Variants in MAGI2 observed in about 807,000 individuals in gnomAD.
The protein encoded by MAGI2 is membrane associated guanylate kinase, WW and PDZ domain containing 2.
A neutral mutation model predicts 133.3 loss-of-function variants in MAGI2; 35 were observed. The ratio of observed to expected loss-of-function variants is 0.26; its 90% CI spans 0.20 to 0.35. The LOEUF is 0.35. Among genes scored for constraint, MAGI2 ranks in the 10% least tolerant of loss-of-function variants. The pLI is 1.00. For missense variants in MAGI2, 1,636 were observed against 1,863.4 expected (o/e 0.88, Z 2.25); for synonymous variants, 729 against 710.6 (o/e 1.03, Z -0.41).
intron 1 of MAGI2, among the ~76,000 whole-genome samples, chr7:79,310,577 A>G (rs2129560603): frequency 6.6e-6 from 1 of 152,280 alleles, no homozygotes. Flanking sequence ...GGTAAGTATT[A>G]AAGAGGGAGT....
In MAGI2 at chr7:79,407,808, A is replaced by G. The variant is rs73145481; in HGVS notation, c.301+45212T>C. ...TATATTCTGAGTTAGTTTTGAAAAAAAAAACATTTGACACAATACCTACAA... is the reference window on the plus strand; with the variant it reads ...TATATTCTGAGTTAGTTTTGAAAAAGAAAACATTTGACACAATACCTACAA... On this transcript the variant is annotated intron_variant, in intron 1 of 21. Coordinates refer to ENST00000354212, the MANE Select transcript of MAGI2 (RefSeq NM_012301.4). 4.4e-3 allele frequency among the ~76,000 whole-genome samples: 668 copies of G among 152,248 alleles called. 3 individuals carry two copies. The highest frequency in any genetic ancestry group is 8.2e-3 in the Non-Finnish European group (555 of 68,002).
At chr7:78,282,931 A>G (rs993156745) in intron 9 of MAGI2, among the ~76,000 whole-genome samples, 2 of 152,152 alleles carry the variant, frequency 1.3e-5, no homozygotes, top group African/African-American at 4.8e-5. Flanking sequence ...AGATTCCATT[A>G]TCCAACAAAG....
intron 2 of MAGI2, among the ~76,000 whole-genome samples, chr7:78,968,585 T>C (rs1803522756): frequency 6.6e-6 from 1 of 152,094 alleles, no homozygotes; most frequent in Non-Finnish European, 1.5e-5. Flanking sequence ...TTCACATTTG[T>C]TTGATCTTCA....
intron 2 of MAGI2, among the ~76,000 whole-genome samples, chr7:78,710,753 C>T (rs1195207139): frequency 6.6e-6 from 1 of 152,124 alleles, no homozygotes; most frequent in Admixed American, 6.6e-5. Flanking sequence ...GATACAAAAA[C>T]TCTAGAGTCA....
At chr7:78,712,132 T>C (rs1280105150) in intron 2 of MAGI2, among the ~76,000 whole-genome samples, 1 of 152,206 alleles carries the variant, frequency 6.6e-6, no homozygotes, top group East Asian at 1.9e-4. Context: ...AAAATGTATC[T>C]TAGATGATGT....
At chr7:78,268,690 C>T (rs908789429) in intron 9 of MAGI2, among the ~76,000 whole-genome samples, 3 of 152,118 alleles carry the variant, frequency 2.0e-5, no homozygotes, top group Non-Finnish European at 2.9e-5. Flanking sequence ...ATTTATTTGG[C>T]ATTTCTTAAG....
chr7:78,493,110 G>T (rs1026454025), intron 5 of MAGI2, among the ~76,000 whole-genome samples: 19 of 152,242 alleles, frequency 1.2e-4, no homozygotes, highest in African/African-American at 4.3e-4. Context: ...TAAACACTGG[G>T]TCTGTCTAGA....
chr7:78,501,865 G>T, intron 4 of MAGI2, 78 bp from the exon 5 acceptor site: 1 of 1,008,490 alleles, frequency 9.9e-7, no homozygotes, highest in Non-Finnish European at 1.5e-6. Flanking sequence ...TGCTGTACCA[G>T]GGAATAAACG....
intron 21 of MAGI2, among the ~76,000 whole-genome samples, chr7:78,074,180 T>C (rs1282481528): frequency 1.3e-5 from 2 of 152,182 alleles, no homozygotes; most frequent in Non-Finnish European, 2.9e-5. Flanking sequence ...TGACGTTTAG[T>C]CTTTGGGTAA....
At chr7:79,009,999 A>C (rs1410630356) in intron 1 of MAGI2, among the ~76,000 whole-genome samples, 1 of 152,156 alleles carries the variant, frequency 6.6e-6, no homozygotes, top group Non-Finnish European at 1.5e-5. Flanking sequence ...TTTAAAACTA[A>C]TATAGTTGAA....
intron 3 of MAGI2, among the ~76,000 whole-genome samples, chr7:78,546,821 A>G (rs1798887362): frequency 6.6e-6 from 1 of 152,208 alleles, no homozygotes; most frequent in African/African-American, 2.4e-5. Flanking sequence ...CGTCTATAAA[A>G]CAGGGATAAT....
chr7:78,831,887 T>G (rs1287139790), intron 2 of MAGI2, among the ~76,000 whole-genome samples: 1 of 152,198 alleles, frequency 6.6e-6, no homozygotes, highest in Non-Finnish European at 1.5e-5. Context: ...ATAATTTTCA[T>G]GTGAAATTTA....
intron 1 of MAGI2, among the ~76,000 whole-genome samples, chr7:79,359,842 T>TA (rs1842271631): frequency 6.6e-6 from 1 of 152,116 alleles, no homozygotes; most frequent in Admixed American, 6.6e-5. Context: ...GACCAACCCT[T>TA]AACCCTTTTC....
At chr7:78,952,301 T>G (rs1448473944) in intron 2 of MAGI2, among the ~76,000 whole-genome samples, 1 of 152,158 alleles carries the variant, frequency 6.6e-6, no homozygotes, top group Non-Finnish European at 1.5e-5. Context: ...TGGGTGGTCA[T>G]CATATTACAC....
At chr7:78,080,575 T>C (rs1815845693) in intron 20 of MAGI2, among the ~76,000 whole-genome samples, 2 of 152,138 alleles carry the variant, frequency 1.3e-5, no homozygotes, top group African/African-American at 4.8e-5. Context: ...AGAATTAAAC[T>C]GAAAAAGTAA....
intron 16 of MAGI2, among the ~76,000 whole-genome samples, chr7:78,135,538 C>T (rs1440859672): frequency 3.3e-5 from 5 of 152,140 alleles, no homozygotes; most frequent in South Asian, 2.1e-4. Flanking sequence ...AGGCAGGAGG[C>T]GAGGACCATG....
chr7:79,228,924 ACCCAAC>A (rs2129554048), intron 1 of MAGI2, among the ~76,000 whole-genome samples: 1 of 152,206 alleles, frequency 6.6e-6, no homozygotes, highest in South Asian at 2.1e-4. Flanking sequence ...TGCTTTGTCT[ACCCAAC>A]ACCAGTAAAT....
intron 1 of MAGI2, among the ~76,000 whole-genome samples, chr7:79,020,159 C>T (rs1251032829): frequency 6.6e-6 from 1 of 152,110 alleles, no homozygotes; most frequent in Non-Finnish European, 1.5e-5. Flanking sequence ...GTGACTCTTG[C>T]TATGCTCCAG....
Position 78,160,028 on chromosome 7 carries a change from T to A in MAGI2, c.2842A>T (p.Ile948Leu). The change falls in exon 16 of 22, where the codon ATA becomes TTA. Residue 948 changes from isoleucine to leucine, a missense_variant. Physicochemically the swap from Ile to Leu is conservative, Grantham distance 5. Around this residue, in one of 5 missense-constraint regions of MAGI2, gnomAD observed 920 missense variants for 1,093.5 expected, o/e 0.84. Transcript: ENST00000354212. The stretch of plus-strand genomic sequence containing the variant: ...GCAGGCAAATTTCAGCACTTACTTA[T>A]AGTGGATCCAGACTCAGGCCTGTTC... ...SLNRPESGST[I>L]TVPHKIGRII... is the part of the protein sequence containing the mutation. 6.4e-7 allele frequency: 1 copy of A among 1,560,998 alleles called. No individual in the cohort carries two copies.
Sources: allele counts gnomAD v4.1 joint callset (sites outside exome capture counted in the v4.1 genomes callset), GRCh38; gene constraint gnomAD v4.1.1; regional missense constraint gnomAD v4.1.1; transcripts MANE v1.5; gene names NCBI Gene and HGNC (gene_info 2026-07-23, HGNC 2026-07-21).